PIGN: variants seen among roughly 807,000 people sequenced by gnomAD.
The protein encoded by PIGN is GPI ethanolamine phosphate transferase 1.
A neutral mutation model predicts 125.4 loss-of-function variants in PIGN; 117 were observed. That is an observed-to-expected ratio of 0.93 (90% confidence interval 0.80 to 1.09). PIGN has a LOEUF of 1.09. Among genes scored for constraint, PIGN ranks in the 50% least tolerant of loss-of-function variants. The pLI, the probability that PIGN is intolerant of heterozygous loss-of-function variation, is 0.00. For synonymous variants in PIGN, 392 were observed against 377.8 expected (o/e 1.04, Z -0.44); for missense variants, 1,075 against 1,094.9 (o/e 0.98, Z 0.26).
intron 23 of PIGN, among the ~76,000 whole-genome samples, chr18:62,019,536 C>A (rs1245922945): frequency 1.3e-5 from 2 of 152,334 alleles, no homozygotes; most frequent in East Asian, 1.9e-4. Flanking sequence ...GACAAAACTT[C>A]TTTAAATCCA....
intron 6 of PIGN, among the ~76,000 whole-genome samples, chr18:62,156,756 C>T (rs769989003): frequency 2.6e-5 from 4 of 152,124 alleles, no homozygotes; most frequent in Non-Finnish European, 5.9e-5. Flanking sequence ...AAATATTTCA[C>T]ATGAATTACA....
intron 14 of PIGN, among the ~76,000 whole-genome samples, chr18:62,132,121 C>T (rs1170391835): frequency 6.6e-6 from 1 of 152,070 alleles, no homozygotes; most frequent in Non-Finnish European, 1.5e-5. Flanking sequence ...ACTCTTTGAT[C>T]TTTTATGTTT....
intron 14 of PIGN, among the ~76,000 whole-genome samples, chr18:62,125,048 A>ACATACATGTATATAAATATACATG (rs1568202433): frequency 5.0e-5 from 7 of 139,466 alleles, no homozygotes; most frequent in African/African-American, 1.9e-4. Context: ...TAAATATACA[A>ACATACATGTATATAAATATACATG]TTTGTACATA....
At chr18:62,033,787 AAGTATGC>A (rs2030224275) in intron 23 of PIGN, among the ~76,000 whole-genome samples, 1 of 152,156 alleles carries the variant, frequency 6.6e-6, no homozygotes, top group Non-Finnish European at 1.5e-5. Flanking sequence ...CCCATACTTT[AAGTATGC>A]AGTGCACTAA....
chr18:62,088,079 G>C (rs2033790165), intron 25 of PIGN, among the ~76,000 whole-genome samples: 1 of 152,168 alleles, frequency 6.6e-6, no homozygotes, highest in African/African-American at 2.4e-5. Flanking sequence ...ATGATAATTA[G>C]CTTGATTGTG....
At chr18:62,035,574 C>A (rs964591441) in intron 23 of PIGN, among the ~76,000 whole-genome samples, 1 of 151,966 alleles carries the variant, frequency 6.6e-6, no homozygotes, top group African/African-American at 2.4e-5. Flanking sequence ...ATGTGCACAA[C>A]CTGCAGGTTT....
At chr18:62,054,789 A>C (rs2031597656) in intron 30 of PIGN, among the ~76,000 whole-genome samples, 1 of 152,196 alleles carries the variant, frequency 6.6e-6, no homozygotes, top group Non-Finnish European at 1.5e-5. Context: ...CACTGCACTC[A>C]GCTACAAAGG....
intron 23 of PIGN, among the ~76,000 whole-genome samples, chr18:62,027,983 A>G (rs2030146509): frequency 6.6e-6 from 1 of 152,230 alleles, no homozygotes. Context: ...CCTTATTTCT[A>G]TGTAAATGTG....
chr18:62,093,868 G>C (rs1205369357), intron 23 of PIGN, among the ~76,000 whole-genome samples: 2 of 152,060 alleles, frequency 1.3e-5, no homozygotes, highest in Non-Finnish European at 2.9e-5. Flanking sequence ...TTGACACTGA[G>C]AAGATGTACT....
intron 14 of PIGN, among the ~76,000 whole-genome samples, chr18:62,118,988 A>G (rs928680122): frequency 6.6e-6 from 1 of 152,142 alleles, no homozygotes; most frequent in Admixed American, 6.5e-5. Flanking sequence ...GGTAGTCTCA[A>G]GATGTACAAG....
intron 1 of PIGN, among the ~76,000 whole-genome samples, chr18:62,182,769 A>C (rs2037762067): frequency 6.6e-6 from 1 of 152,016 alleles, no homozygotes; most frequent in Non-Finnish European, 1.5e-5. Context: ...CTGTCTTTAA[A>C]GTCAAAAGAC....
chr18:62,134,079 G>T (rs2035838003), intron 14 of PIGN, among the ~76,000 whole-genome samples: 1 of 151,918 alleles, frequency 6.6e-6, no homozygotes, highest in African/African-American at 2.4e-5. Context: ...TCCTCTTTTG[G>T]TGACCTTGGT....
At chr18:62,027,996 T>C (rs188193527) in intron 23 of PIGN, among the ~76,000 whole-genome samples, 2 of 152,310 alleles carry the variant, frequency 1.3e-5, no homozygotes, top group African/African-American at 2.4e-5. Flanking sequence ...TAAATGTGCC[T>C]TTTCCCTATC....
chr18:62,037,533 C>T (rs1214145550), downstream of PIGN, among the ~76,000 whole-genome samples: 3 of 152,188 alleles, frequency 2.0e-5, no homozygotes, highest in Non-Finnish European at 4.4e-5. Context: ...CTGCCTCTTA[C>T]GGTGATGTAA....
intron 23 of PIGN, among the ~76,000 whole-genome samples, chr18:62,034,990 C>T (rs776981830): frequency 2.0e-5 from 3 of 152,152 alleles, no homozygotes; most frequent in Non-Finnish European, 4.4e-5. Context: ...CCCCACTTGT[C>T]ATGGGAGGGA....
chr18:62,148,217 G>A lies in PIGN; in HGVS notation c.671C>T (p.Ser224Leu), dbSNP rs1437127718. 8.4e-6 allele frequency: 13 copies of A among 1,539,408 alleles called. No homozygotes were observed. The South Asian group carries it at 1.2e-4, about 15-fold the overall frequency. Reference protein sequence around the residue: ...DTNGHAHRPSSRDYKHNIKKV... With the variant: ...DTNGHAHRPSLRDYKHNIKKV... ...ATTAAACACAATATTAAATTACCTC[G>A]AGGATGGTCGATGAGCATGTCCGTT... The change falls in exon 8 of 31, where the codon TCG becomes TTG. Residue 224 changes from serine (S) to leucine (L), a missense_variant. Physicochemically the swap from Ser to Leu is moderately radical, Grantham distance 145. Around this residue, in one of 3 missense-constraint regions of PIGN, gnomAD observed 915 missense variants for 908.7 expected, o/e 1.01. Coordinates refer to ENST00000640252, the MANE Select transcript of PIGN (RefSeq NM_176787.5).
At chr18:62,164,168 C>T (rs1026685594) in intron 1 of PIGN, among the ~76,000 whole-genome samples, 2 of 152,130 alleles carry the variant, frequency 1.3e-5, no homozygotes, top group Admixed American at 6.5e-5. Flanking sequence ...TTAAAATAAA[C>T]ATTGGGTATT....
chr18:62,081,316 ACT>A (rs1189691769), intron 28 of PIGN, among the ~76,000 whole-genome samples: 2 of 152,116 alleles, frequency 1.3e-5, no homozygotes, highest in African/African-American at 4.8e-5. Context: ...GGGTGGCTGG[ACT>A]TCAGCTTGTG....
At chr18:62,132,182 T>C (rs4941110) in intron 14 of PIGN, among the ~76,000 whole-genome samples, 45,798 of 152,066 alleles carry the variant, frequency 0.3, 8,059 homozygotes, top group East Asian at 0.58. Flanking sequence ...GCTGACATTA[T>C]GTGCATATAT....
Sources: allele counts gnomAD v4.1 joint callset (sites outside exome capture counted in the v4.1 genomes callset), GRCh38; gene constraint gnomAD v4.1.1; regional missense constraint gnomAD v4.1.1; transcripts MANE v1.5; gene names NCBI Gene and HGNC (gene_info 2026-07-23, HGNC 2026-07-21).